The following SV2C variants were observed in gnomAD, a reference collection of about 807,000 sequenced individuals.
The protein encoded by SV2C is solute carrier family 22 member B3.
A neutral mutation model predicts 79.7 loss-of-function variants in SV2C; 49 were observed. The observed-to-expected ratio is 0.61, with a 90% CI of 0.49 to 0.78. The LOEUF (loss-of-function observed/expected upper bound fraction) is 0.78. Ranked by LOEUF, SV2C falls within the 30% of genes least tolerant of loss-of-function variation. The pLI is 0.00. For synonymous variants in SV2C, 334 were observed against 333.2 expected (o/e 1.00, Z -0.03); for missense variants, 833 against 912.9 (o/e 0.91, Z 1.13).
intron 2 of SV2C, among the ~76,000 whole-genome samples, chr5:76,180,207 C>T (rs1743677422): frequency 6.6e-6 from 1 of 152,112 alleles, no homozygotes; most frequent in Non-Finnish European, 1.5e-5. Flanking sequence ...TTTTCTTGTT[C>T]TGTTCCTCTA....
chr5:76,059,526 C>G, the SV2C span, among the ~76,000 whole-genome samples: 2 of 151,480 alleles, frequency 1.3e-5, no homozygotes, highest in African/African-American at 4.8e-5. Context: ...GAAGCAATTC[C>G]TCACCCATTC....
chr5:76,122,855 GCAAGAAATAA>G (rs1748566672), intron 1 of SV2C, among the ~76,000 whole-genome samples: 1 of 151,774 alleles, frequency 6.6e-6, no homozygotes, highest in African/African-American at 2.4e-5. Context: ...CTAGCAGAAG[GCAAGAAATAA>G]CTAAAATCAG....
At chr5:76,281,361 A>G (rs1268951472) in intron 4 of SV2C, 2 of 269,786 alleles carry the variant, frequency 7.4e-6, no homozygotes, top group Admixed American at 5.2e-5. Flanking sequence ...TTTATTGTCT[A>G]TATGCCTTTT....
At chr5:75,928,892 G>A in the SV2C span, among the ~76,000 whole-genome samples, 11 of 152,056 alleles carry the variant, frequency 7.2e-5, no homozygotes, top group Non-Finnish European at 1.2e-4. Flanking sequence ...GGAAATGCCT[G>A]GATAGTACAA....
chr5:76,219,369 A>G (rs1745001522), intron 4 of SV2C, among the ~76,000 whole-genome samples: 1 of 152,252 alleles, frequency 6.6e-6, no homozygotes, highest in Admixed American at 6.5e-5. Context: ...GTGATGGTTC[A>G]CTTTTCCCCA....
At chr5:76,298,747 A>C in intron 9 of SV2C, 47 bp from the exon 10 acceptor site, 3 of 1,598,302 alleles carry the variant, frequency 1.9e-6, no homozygotes, top group Non-Finnish European at 2.6e-6. Context: ...TTGAACTTTG[A>C]TGGACACAGT....
chr5:76,339,729 GA>G (rs942734840), intron 12 of SV2C, among the ~76,000 whole-genome samples: 6 of 148,334 alleles, frequency 4.0e-5, no homozygotes, highest in Non-Finnish European at 9.0e-5. Flanking sequence ...AAAAAAAAAA[GA>G]AAAAAAAGAT....
chr5:76,154,807 C>T lies in SV2C; in HGVS notation c.580+22477C>T, dbSNP rs927437751. 1.6e-4 allele frequency among the ~76,000 whole-genome samples: 24 copies of T among 152,084 alleles called. 1 individual carries two copies. The highest frequency in any genetic ancestry group is 9.8e-4 in the Admixed American group (15 of 15,272). ...GGTTTATTTGCCAAGGTTAAGGATG[C>T]GTCCAGAGAAAAGGAACACAAAACC... is the stretch of plus-strand genomic sequence containing the variant. On this transcript the variant is annotated intron_variant, in intron 2 of 12. Coordinates refer to ENST00000502798, the MANE Select transcript of SV2C (RefSeq NM_014979.4).
Position 76,301,081 on chromosome 5 carries a change from T to C in SV2C, c.1840+149T>C. On this transcript the variant is annotated intron_variant, in intron 11 of 12. Transcript: ENST00000502798. ...CGTTGGGACTAAATTATAGTGAAAA[T>C]TATGTCTAATTACATTTCATTTGAG... 5 of 889,008 alleles carry C rather than the reference T, an allele frequency of 5.6e-6. No homozygotes were observed. The South Asian group carries it at 6.9e-5, about 12-fold the overall frequency. 55.1% of individuals were successfully genotyped at this position (889,008 alleles called of 1,614,324 possible). A position where few individuals can be genotyped will look rare whatever the true frequency, so the allele number is the denominator to read the frequency against.
At chr5:76,142,903 C>CTTTTT (rs372569739) in intron 2 of SV2C, among the ~76,000 whole-genome samples, 1 of 134,574 alleles carries the variant, frequency 7.4e-6, no homozygotes, top group Non-Finnish European at 1.6e-5. Context: ...TTTTCTTTTC[C>CTTTTT]TTTTTTTTTG....
chr5:76,349,097 A>C (rs565124754), intron 12 of SV2C, among the ~76,000 whole-genome samples: 1 of 152,370 alleles, frequency 6.6e-6, no homozygotes, highest in Non-Finnish European at 1.5e-5. Flanking sequence ...AAGTTGCTTA[A>C]CTTCTCTGTC....
chr5:75,987,709 G>C, the SV2C span, among the ~76,000 whole-genome samples: 1 of 151,994 alleles, frequency 6.6e-6, no homozygotes, highest in Admixed American at 6.6e-5. Context: ...AAGTAGGTTT[G>C]TTGTTTTAAA....
chr5:76,264,185 CTT>C (rs1310184385), intron 4 of SV2C, among the ~76,000 whole-genome samples: 3 of 151,700 alleles, frequency 2.0e-5, no homozygotes, highest in African/African-American at 7.3e-5. Flanking sequence ...GTAAGTTGAT[CTT>C]CAGTCTCTGA....
At chr5:76,206,184 A>G (rs1744603031) in intron 3 of SV2C, among the ~76,000 whole-genome samples, 2 of 152,194 alleles carry the variant, frequency 1.3e-5, no homozygotes, top group South Asian at 4.1e-4. Flanking sequence ...GGGGAGTGGC[A>G]GATTTTTCTT....
chr5:76,051,506 A>G, the SV2C span, among the ~76,000 whole-genome samples: 1 of 152,190 alleles, frequency 6.6e-6, no homozygotes, highest in African/African-American at 2.4e-5. Context: ...AACAGTAAAA[A>G]CCACTCAAAA....
the SV2C span, among the ~76,000 whole-genome samples, chr5:75,883,716 T>C: frequency 0.056 from 8,136 of 144,862 alleles, 301 homozygotes; most frequent in Admixed American, 0.073. Context: ...AGGGATAGCA[T>C]TGGGAGATAT....
chr5:75,939,271 A>G, the SV2C span, among the ~76,000 whole-genome samples: 1 of 152,158 alleles, frequency 6.6e-6, no homozygotes, highest in Admixed American at 6.5e-5. Flanking sequence ...TGAGAAGTCC[A>G]GATCAAGTTG....
At chr5:75,907,562 A>G in the SV2C span, among the ~76,000 whole-genome samples, 1 of 152,164 alleles carries the variant, frequency 6.6e-6, no homozygotes, top group Non-Finnish European at 1.5e-5. Context: ...AGAGAGTAAT[A>G]AGAATGACCT....
At chr5:76,135,429 T>C (rs1416293985) in intron 2 of SV2C, among the ~76,000 whole-genome samples, 1 of 151,748 alleles carries the variant, frequency 6.6e-6, no homozygotes, top group East Asian at 1.9e-4. Context: ...ATGGGGCTGG[T>C]GGTGGAGGAG....
Sources: gnomAD v4.1 joint callset for allele counts (sites outside exome capture counted in the v4.1 genomes callset) on GRCh38, gnomAD v4.1.1 for gene constraint, MANE v1.5 for transcripts, NCBI Gene and HGNC (gene_info 2026-07-23, HGNC 2026-07-21) for gene names.